The following RDH13 variants were observed in gnomAD, a reference collection of about 807,000 sequenced individuals.
RDH13 encodes the protein retinol dehydrogenase 13.
In RDH13, 35 loss-of-function variants were observed where a neutral mutation model predicts 28.3. That is an observed-to-expected ratio of 1.24 (90% CI 0.95 to 1.64). The LOEUF (loss-of-function observed/expected upper bound fraction) is 1.64. Ranked by LOEUF, RDH13 falls within the 40% of genes most tolerant of loss-of-function variation. The pLI is 0.00. For synonymous variants in RDH13, 229 were observed against 198.5 expected (o/e 1.15, Z -1.29); for missense variants, 514 against 446.3 (o/e 1.15, Z -1.37).
chr19:55,048,733 T>G lies in RDH13; in HGVS notation c.371A>C (p.Asn124Thr). The change falls in exon 4 of 7, where the codon AAC (asparagine) becomes ACC (threonine). Residue 124 changes from asparagine to threonine, a missense_variant. Coordinates refer to ENST00000415061, the MANE Select transcript of RDH13 (RefSeq NM_001145971.2). ...EEERVDILIN[N>T]AGVMRCPHWT... ...GTGGGGGCACCGCATCACACCCGCG[T>G]TGTTGATTAGAATGTCCACTCGCTC... is the stretch of plus-strand genomic sequence containing the variant. 1 of 1,613,466 alleles carries G rather than the reference T, an allele frequency of 6.2e-7. No homozygotes were observed. The highest frequency in any genetic ancestry group is 1.1e-5 in the South Asian group (1 of 91,018).
At chr19:55,053,020 A>C (rs1174094548) in intron 3 of RDH13, among the ~76,000 whole-genome samples, 1 of 151,898 alleles carries the variant, frequency 6.6e-6, no homozygotes, top group African/African-American at 2.4e-5. Flanking sequence ...GCTGATCTCA[A>C]ACTCCCTGAT....
intron 3 of RDH13, among the ~76,000 whole-genome samples, chr19:55,053,176 G>A (rs900729102): frequency 1.3e-5 from 2 of 152,122 alleles, no homozygotes; most frequent in African/African-American, 2.4e-5. Flanking sequence ...CCAAAGTGCC[G>A]GGATGACAGG....
intron 1 of RDH13, among the ~76,000 whole-genome samples, 164 bp from the exon 2 acceptor site, chr19:55,059,439 A>G (rs2075742775): frequency 6.6e-6 from 1 of 152,226 alleles, no homozygotes; most frequent in African/African-American, 2.4e-5. Context: ...GTTCTCCATA[A>G]GTGGCTCCAC....
intron 3 of RDH13, among the ~76,000 whole-genome samples, chr19:55,054,680 T>C (rs761848953): frequency 5.3e-5 from 8 of 152,110 alleles, no homozygotes; most frequent in Non-Finnish European, 1.0e-4. Flanking sequence ...GTGATCCTCT[T>C]GCCTCAGCCT....
Position 55,048,460 on chromosome 19 carries a change from G to A in RDH13, c.527C>T (p.Ala176Val). 1.9e-6 allele frequency: 3 copies of A among 1,614,232 alleles called. No homozygotes were observed. The highest frequency in any genetic ancestry group is 1.3e-5 in the African/African-American group (1 of 75,060). ...PSRIINLSSL[A>V]HVAGHIDFDD... ...AAAGTCTATGTGCCCAGCAACATGGGCCAGGGACGAGAGGTTGATGATCCG... is the reference window on the plus strand; with the variant it reads ...AAAGTCTATGTGCCCAGCAACATGGACCAGGGACGAGAGGTTGATGATCCG... The change falls in exon 5 of 7, where the codon GCC becomes GTC. Residue 176 changes from alanine to valine, a missense_variant. Physicochemically the swap from Ala to Val is moderately conservative, Grantham distance 64 (BLOSUM62 0). Transcript: ENST00000415061.
chr19:55,039,716 GT>G (rs1178343762), downstream of RDH13: 1 of 151,874 alleles, frequency 6.6e-6, no homozygotes, highest in African/African-American at 2.4e-5. Flanking sequence ...GCAGGCACCT[GT>G]AGTCCCAGCT....
chr19:55,062,828 G>T, intron 1 of RDH13, 140 bp downstream of exon 1: 1 of 693,550 alleles, frequency 1.4e-6, no homozygotes, highest in Non-Finnish European at 2.2e-6. Flanking sequence ...GCGCAGGTTT[G>T]CCCCACTCCG....
downstream of RDH13, among the ~76,000 whole-genome samples, chr19:55,043,596 A>G (rs1187958787): frequency 1.3e-5 from 2 of 151,656 alleles, no homozygotes; most frequent in African/African-American, 4.8e-5. Context: ...TGAACATGGG[A>G]GACACAGGTT....
At chr19:55,067,625 C>T (rs1310909116), upstream of RDH13, 1 of 152,084 alleles carries the variant, frequency 6.6e-6, no homozygotes, top group Admixed American at 6.6e-5. Context: ...CGCTGGGTAC[C>T]GCTGAAGAGT....
In RDH13 at chr19:55,063,018, C is replaced by A. The variant is rs774254316; in HGVS notation, c.15G>T (p.Leu5=). The A allele has an allele frequency of 2.7e-6, 4 of 1,455,308 alleles. No homozygotes were observed. Among genetic ancestry groups the A allele is most frequent in the Admixed American group, 2.7e-5 (1 of 37,726 alleles). 90.1% of individuals were successfully genotyped at this position (1,455,308 alleles called of 1,614,324 possible). A position where few individuals can be genotyped will look rare whatever the true frequency, so the allele number is the denominator to read the frequency against. ...CCGTGCCCAGCGCCGACAGCGGCAGCAGGTAGCGGCTCATGCCGGGCCGGG... is the reference window on the plus strand; with the variant it reads ...CCGTGCCCAGCGCCGACAGCGGCAGAAGGTAGCGGCTCATGCCGGGCCGGG... MSRY[L]LPLSALGTVA... Residue 5 remains leucine (L), a synonymous_variant, in exon 1 of 7, where the codon CTG becomes CTT. Coordinates refer to ENST00000415061, the MANE Select transcript of RDH13 (RefSeq NM_001145971.2).
chr19:55,056,141 G>A lies in RDH13; in HGVS notation c.340+512C>T, dbSNP rs139908601. ...TGCACTCCAGCCTGGGCAACAGAGC[G>A]AGACCCCATCTGTCTCAAAACAAAC... On this transcript the variant is annotated intron_variant, in intron 3 of 6. Coordinates refer to ENST00000415061, the MANE Select transcript of RDH13 (RefSeq NM_001145971.2). Among the ~76,000 whole-genome samples, 989 of 151,970 alleles carry A rather than the reference G, an allele frequency of 6.5e-3. 28 individuals are homozygous for A. Among genetic ancestry groups the A allele is most frequent in the East Asian group, 9.3e-3 (48 of 5,154 alleles).
chr19:55,056,426 C>G (rs2075635165), intron 3 of RDH13, among the ~76,000 whole-genome samples: 1 of 152,008 alleles, frequency 6.6e-6, no homozygotes, highest in African/African-American at 2.4e-5. Context: ...CCATTGCACT[C>G]AGCCTGGCCG....
At chr19:55,046,018 C>CAGG (rs1314497184) in intron 6 of RDH13, among the ~76,000 whole-genome samples, 1 of 147,926 alleles carries the variant, frequency 6.8e-6, no homozygotes, top group African/African-American at 2.5e-5. Flanking sequence ...GAGGCTGAGG[C>CAGG]AGGTGGATCA....
intron 1 of RDH13, among the ~76,000 whole-genome samples, chr19:55,068,199 C>G (rs1356978024): frequency 6.6e-6 from 1 of 152,032 alleles, no homozygotes; most frequent in African/African-American, 2.4e-5. Flanking sequence ...AACTCTCTCT[C>G]CCTACACACA....
At chr19:55,046,231 G>A (rs2075226594) in intron 6 of RDH13, among the ~76,000 whole-genome samples, 1 of 124,662 alleles carries the variant, frequency 8.0e-6, no homozygotes, top group Non-Finnish European at 1.7e-5. Context: ...TGGGTGACGA[G>A]CAAAACTCCG....
chr19:55,059,873 C>T (rs979557646), intron 1 of RDH13, among the ~76,000 whole-genome samples: 2 of 152,166 alleles, frequency 1.3e-5, no homozygotes, highest in Non-Finnish European at 2.9e-5. Context: ...TGTATGAAAT[C>T]AAGGTTTAAG....
At position 55,047,474 on chromosome 19, in the gene RDH13, C is replaced by T; in HGVS notation, c.673G>A (p.Val225Ile). Residue 225 changes from valine to isoleucine, a missense_variant, in exon 6 of 7, where the codon GTC becomes ATC. Transcript: ENST00000415061. ...SRRLQGSGVT[V>I]NALHPGVART... is the part of the protein sequence containing the mutation. ...GCCACGCCGGGGTGCAGGGCGTTGA[C>T]AGTCACACCAGAGCCTGGGGAAGAA... is the stretch of plus-strand genomic sequence containing the variant. 6.2e-7 allele frequency: 1 copy of T among 1,607,514 alleles called. No homozygotes were observed. Among genetic ancestry groups the T allele is most frequent in the Non-Finnish European group, 8.5e-7 (1 of 1,179,732 alleles).
chr19:55,045,180 G>C lies in RDH13; in HGVS notation c.890C>G (p.Ala297Gly). 1.2e-6 allele frequency: 2 copies of C among 1,613,628 alleles called. No individual in the cohort carries two copies. The highest frequency in any genetic ancestry group is 1.3e-5 in the African/African-American group (1 of 75,074). Residue 297 changes from alanine to glycine, a missense_variant, in exon 7 of 7, where the codon GCC becomes GGC. Coordinates refer to ENST00000415061, the MANE Select transcript of RDH13 (RefSeq NM_001145971.2). ...YFDGLKQKAP[A>G]PEAEDEEVAR... Reference sequence around the variant, plus strand: ...CACCTCCTCATCCTCAGCCTCGGGGGCCGGGGCCTTCTGTTTGAGTCCATC... The same window carrying C: ...CACCTCCTCATCCTCAGCCTCGGGGCCCGGGGCCTTCTGTTTGAGTCCATC...
At chr19:55,062,216 T>C (rs894859300) in intron 1 of RDH13, among the ~76,000 whole-genome samples, 1 of 136,676 alleles carries the variant, frequency 7.3e-6, no homozygotes, top group Admixed American at 7.2e-5. Flanking sequence ...TGGACCCCTC[T>C]ACGGAGTCAC....
Sources: gnomAD v4.1 joint callset for allele counts (sites outside exome capture counted in the v4.1 genomes callset) on GRCh38, gnomAD v4.1.1 for gene constraint, MANE v1.5 for transcripts, NCBI Gene and HGNC (gene_info 2026-07-23, HGNC 2026-07-21) for gene names.